Variants in DPP10 observed in about 807,000 individuals in gnomAD.
DPP10 encodes inactive dipeptidyl peptidase 10.
DPP10 carries 33 observed loss-of-function variants against 120.9 expected under a neutral mutation model. The observed-to-expected ratio is 0.27, with a 90% CI of 0.21 to 0.37. The LOEUF (loss-of-function observed/expected upper bound fraction) is 0.37, where lower values mean the gene tolerates loss of function less well. Among genes scored for constraint, DPP10 ranks in the 10% least tolerant of loss-of-function variants. The pLI is 1.00. For missense variants in DPP10, 816 were observed against 942.8 expected (o/e 0.87, Z 1.76); for synonymous variants, 337 against 326.1 (o/e 1.03, Z -0.36).
At chr2:115,593,057 G>A (rs540778368) in intron 5 of DPP10, among the ~76,000 whole-genome samples, 1 of 152,242 alleles carries the variant, frequency 6.6e-6, no homozygotes, top group African/African-American at 2.4e-5. Context: ...GTTAGAGATA[G>A]CCAAAAAAGT....
intron 5 of DPP10, among the ~76,000 whole-genome samples, chr2:115,639,846 A>C (rs920338924): frequency 3.3e-5 from 5 of 152,272 alleles, no homozygotes; most frequent in Middle Eastern, 6.8e-3. Context: ...AGAGTGACAG[A>C]TTCATGCTAA....
chr2:115,055,076 T>C lies in DPP10; in HGVS notation c.61-254163T>C, dbSNP rs956677705. Among the ~76,000 whole-genome samples the C allele has an allele frequency of 1.3e-4, 20 of 152,324 alleles. No individual in the cohort carries two copies. In the South Asian group the frequency reaches 2.5e-3, roughly 19 times the overall value. On this transcript the variant is annotated intron_variant, in intron 1 of 25. Coordinates refer to ENST00000410059, the MANE Select transcript of DPP10 (RefSeq NM_020868.6). ...TCTGCTTTAACAATAATGCTGTTGT[T>C]TATTTGTATGGTGCCTGAAATAAAC...
intron 5 of DPP10, among the ~76,000 whole-genome samples, chr2:115,586,905 A>G (rs796825545): frequency 2.0e-5 from 3 of 152,196 alleles, no homozygotes; most frequent in South Asian, 2.1e-4. Context: ...TTAAAACTGC[A>G]TGTATTCTAA....
intron 5 of DPP10, among the ~76,000 whole-genome samples, chr2:115,534,382 T>C (rs2078668262): frequency 6.6e-6 from 1 of 151,534 alleles, no homozygotes; most frequent in African/African-American, 2.4e-5. Flanking sequence ...GTTCTTGCGA[T>C]AGTTTACTGA....
chr2:115,451,648 T>C (rs2073115314), intron 3 of DPP10, among the ~76,000 whole-genome samples: 1 of 151,942 alleles, frequency 6.6e-6, no homozygotes, highest in Non-Finnish European at 1.5e-5. Context: ...TACCATGAAA[T>C]TTATGTCTTT....
chr2:115,635,317 C>G (rs1321658784), intron 5 of DPP10, among the ~76,000 whole-genome samples: 1 of 152,154 alleles, frequency 6.6e-6, no homozygotes, highest in Non-Finnish European at 1.5e-5. Flanking sequence ...AGACCCAAGG[C>G]TCTGGTGGCG....
At chr2:115,818,293 G>A (rs1195826759) in intron 21 of DPP10, among the ~76,000 whole-genome samples, 1 of 152,174 alleles carries the variant, frequency 6.6e-6, no homozygotes. Flanking sequence ...TTTAAAAGTA[G>A]TTAATAGAGT....
chr2:114,836,229 G>T (rs1256487009), intron 1 of DPP10, among the ~76,000 whole-genome samples: 2 of 152,042 alleles, frequency 1.3e-5, no homozygotes. Flanking sequence ...TGCTCCATTT[G>T]TGACCCATGT....
chr2:114,845,926 G>A (rs1688513377), intron 1 of DPP10, among the ~76,000 whole-genome samples: 1 of 152,086 alleles, frequency 6.6e-6, no homozygotes, highest in Non-Finnish European at 1.5e-5. Flanking sequence ...ACCATAAGGA[G>A]CTTGGGGAGT....
At chr2:114,678,632 AT>A (rs1224358743) in intron 1 of DPP10, among the ~76,000 whole-genome samples, 6 of 151,076 alleles carry the variant, frequency 4.0e-5, no homozygotes, top group African/African-American at 7.3e-5. Flanking sequence ...GGCAACCATT[AT>A]TTTTTTTTAA....
chr2:115,413,038 T>G (rs1343296192), intron 3 of DPP10, among the ~76,000 whole-genome samples: 1 of 152,128 alleles, frequency 6.6e-6, no homozygotes, highest in African/African-American at 2.4e-5. Context: ...TGTCTAACAT[T>G]AAGTATAATG....
intron 1 of DPP10, among the ~76,000 whole-genome samples, chr2:114,785,854 G>T (rs1163608161): frequency 1.3e-5 from 2 of 152,134 alleles, no homozygotes; most frequent in East Asian, 3.9e-4. Context: ...CTATAAAGAG[G>T]TTAAATAAAC....
intron 1 of DPP10, among the ~76,000 whole-genome samples, chr2:115,289,069 C>G (rs995119836): frequency 6.6e-6 from 1 of 152,052 alleles, no homozygotes; most frequent in East Asian, 1.9e-4. Flanking sequence ...AAAACACTCC[C>G]GGATTTGATC....
chr2:115,149,289 T>C (rs1298860018), intron 1 of DPP10, among the ~76,000 whole-genome samples: 1 of 152,232 alleles, frequency 6.6e-6, no homozygotes, highest in Non-Finnish European at 1.5e-5. Context: ...TCTAATTCTA[T>C]CCATTATTTT....
At chr2:115,422,312 A>G (rs577089669) in intron 3 of DPP10, among the ~76,000 whole-genome samples, 1 of 152,192 alleles carries the variant, frequency 6.6e-6, no homozygotes, top group Non-Finnish European at 1.5e-5. Flanking sequence ...CCAAGAATAC[A>G]TTTTTAGTAT....
At chr2:115,798,682 G>T (rs1043157725) in intron 19 of DPP10, among the ~76,000 whole-genome samples, 1 of 151,732 alleles carries the variant, frequency 6.6e-6, no homozygotes, top group Non-Finnish European at 1.5e-5. Context: ...TATAAAACTT[G>T]GGAAGAAACT....
At chr2:114,963,348 AT>A (rs1698785019) in intron 1 of DPP10, among the ~76,000 whole-genome samples, 1 of 152,144 alleles carries the variant, frequency 6.6e-6, no homozygotes, top group Non-Finnish European at 1.5e-5. Flanking sequence ...AACACAATTC[AT>A]TTTTTTATTC....
chr2:114,695,500 A>G lies in DPP10; in HGVS notation c.60+252662A>G, dbSNP rs576769638. Among the ~76,000 whole-genome samples the G allele has an allele frequency of 4.6e-5, 7 of 152,184 alleles. No homozygotes were observed. In the East Asian group the frequency reaches 1.2e-3, roughly 25 times the overall value. ...ACAGATGTCCATATTGAATTAATAC[A>G]TAATTATCAAGAGAAAAAATATCCC... On this transcript the variant is annotated intron_variant, in intron 1 of 25. Coordinates refer to ENST00000410059, the MANE Select transcript of DPP10 (RefSeq NM_020868.6).
chr2:114,626,839 A>C (rs145146678), intron 1 of DPP10, among the ~76,000 whole-genome samples: 1 of 152,126 alleles, frequency 6.6e-6, no homozygotes, highest in African/African-American at 2.4e-5. Flanking sequence ...GTTGGCATTA[A>C]GAGATCACTT....
Sources: gnomAD v4.1 joint callset for allele counts (sites outside exome capture counted in the v4.1 genomes callset) on GRCh38, gnomAD v4.1.1 for gene constraint, MANE v1.5 for transcripts, NCBI Gene and HGNC (gene_info 2026-07-23, HGNC 2026-07-21) for gene names.